Variants in TMEM201 observed in about 807,000 individuals in gnomAD.
TMEM201 encodes the protein transmembrane protein 201.
A neutral mutation model predicts 63.4 loss-of-function variants in TMEM201; 26 were observed. The ratio of observed to expected loss-of-function variants is 0.41; its 90% CI spans 0.30 to 0.57. The LOEUF (loss-of-function observed/expected upper bound fraction) is 0.57, where lower values mean the gene tolerates loss of function less well. Among genes scored for constraint, TMEM201 ranks in the 20% least tolerant of loss-of-function variants. TMEM201 has a pLI of 0.29. For synonymous variants in TMEM201, 417 were observed against 421.6 expected (o/e 0.99, Z 0.14); for missense variants, 794 against 917.7 (o/e 0.87, Z 1.74).
chr1:9,597,861 T>C lies in TMEM201; in HGVS notation c.430-588T>C, dbSNP rs1371466440. Among the ~76,000 whole-genome samples, 6 of 152,208 alleles carry C rather than the reference T, an allele frequency of 3.9e-5. No individual in the cohort carries two copies. In the East Asian group the frequency reaches 1.2e-3, roughly 29 times the overall value. On this transcript the variant is annotated intron_variant, in intron 3 of 10. Coordinates refer to ENST00000340381, the MANE Select transcript of TMEM201 (RefSeq NM_001130924.3). ...CAGCAAGGGATCACACTCCTGACCC[T>C]CCTGGCCTTGCAGGCCAAAACGTTT...
chr1:9,593,126 C>T (rs1484884608), intron 1 of TMEM201, among the ~76,000 whole-genome samples: 1 of 152,226 alleles, frequency 6.6e-6, no homozygotes, highest in East Asian at 1.9e-4. Flanking sequence ...AAACAGGGTC[C>T]AGCCTAGGCT....
rs1008662089 is a variant in TMEM201 at position 9,608,909 on chromosome 1, C to T, written c.1394-931C>T. Among the ~76,000 whole-genome samples the T allele has an allele frequency of 2.0e-5, 3 of 152,052 alleles. No homozygotes were observed. Among genetic ancestry groups the T allele is most frequent in the East Asian group, 1.9e-4 (1 of 5,188 alleles). ...CCCAGTCTCCATTACCAGAGTGGGTCGGGGGGAGGAGCCCGGTCTCCATCG... is the reference window on the plus strand; with the variant it reads ...CCCAGTCTCCATTACCAGAGTGGGTTGGGGGGAGGAGCCCGGTCTCCATCG... On this transcript the variant is annotated intron_variant, in intron 7 of 10. Coordinates refer to ENST00000340381, the MANE Select transcript of TMEM201 (RefSeq NM_001130924.3). The surrounding 1 kb of genome is among the most constrained non-coding windows in gnomAD (Gnocchi z 4.3).
In TMEM201 at chr1:9,603,563, A is replaced by G. The variant is rs1414029135; in HGVS notation, c.1160+1291A>G. The G allele has an allele frequency of 6.4e-5, 63 of 985,366 alleles. No homozygotes were observed. The highest frequency in any genetic ancestry group is 7.6e-5 in the Non-Finnish European group (63 of 830,012). The allele number at this position is 985,366 out of a possible 1,614,324, so 61.0% of individuals were successfully genotyped here. A position where few individuals can be genotyped will look rare whatever the true frequency, so the allele number is the denominator to read the frequency against. On this transcript the variant is annotated intron_variant, in intron 6 of 10. Transcript: ENST00000340381. The surrounding 1 kb of genome is among the most constrained non-coding windows in gnomAD (Gnocchi z 4.5). ...CTTCCAGATGTGGCCAGGGTGTGCC[A>G]GCTCCTCTCTCCTGTGCGTTGGAAC...
chr1:9,589,119 G>T (rs1447483428), intron 1 of TMEM201, 76 bp downstream of exon 1: 76 of 670,186 alleles, frequency 1.1e-4, no homozygotes, highest in Non-Finnish European at 1.3e-4. Context: ...CCGGCCCGCT[G>T]CCCCCCTCGG....
At position 9,603,845 on chromosome 1, in the gene TMEM201, C is replaced by T; in HGVS notation, c.1160+1573C>T. Reference sequence around the variant, plus strand: ...CTGTGCCCGATGACCTGCGTGGCTTCAGACAAGGCCCCAGCGTTACTGGGC... The same window carrying T: ...CTGTGCCCGATGACCTGCGTGGCTTTAGACAAGGCCCCAGCGTTACTGGGC... On this transcript the variant is annotated intron_variant, in intron 6 of 10. Coordinates refer to ENST00000340381, the MANE Select transcript of TMEM201 (RefSeq NM_001130924.3). This position sits in a 1 kb window ranked among gnomAD's most constrained non-coding sequence, Gnocchi z 4.5. 1.0e-6 allele frequency: 1 copy of T among 985,470 alleles called. No homozygotes were observed. The highest frequency in any genetic ancestry group is 1.2e-6 in the Non-Finnish European group (1 of 829,948). 61.0% of individuals were successfully genotyped at this position (985,470 alleles called of 1,614,324 possible).
chr1:9,608,114 A>G lies in TMEM201; in HGVS notation c.1393+325A>G, dbSNP rs912114570. The stretch of plus-strand genomic sequence containing the variant: ...TAATTAACTGGGCATGGTGGCGTAC[A>G]CCTATAGTCCCAGCTATTTAGGCTG... On this transcript the variant is annotated intron_variant, in intron 7 of 10. Coordinates refer to ENST00000340381, the MANE Select transcript of TMEM201 (RefSeq NM_001130924.3). This position sits in a 1 kb window ranked among gnomAD's most constrained non-coding sequence, Gnocchi z 4.3. 6.6e-6 allele frequency among the ~76,000 whole-genome samples: 1 copy of G among 152,092 alleles called. No homozygotes were observed. Among genetic ancestry groups the G allele is most frequent in the Admixed American group, 6.6e-5 (1 of 15,256 alleles).
chr1:9,597,353 C>A (rs1262207726), intron 3 of TMEM201, among the ~76,000 whole-genome samples: 1 of 152,218 alleles, frequency 6.6e-6, no homozygotes, highest in Non-Finnish European at 1.5e-5. Context: ...ACCTGCCAGT[C>A]CAGAGGAATT....
intron 10 of TMEM201, among the ~76,000 whole-genome samples, 176 bp downstream of exon 10, chr1:9,612,066 G>A (rs1472573851): frequency 6.6e-6 from 1 of 152,202 alleles, no homozygotes; most frequent in Admixed American, 6.5e-5. Flanking sequence ...CTCAGTAGAC[G>A]GCACTCCCCC....
At chr1:9,595,223 C>T (rs1569915146) in intron 1 of TMEM201, among the ~76,000 whole-genome samples, 2 of 152,210 alleles carry the variant, frequency 1.3e-5, no homozygotes, top group East Asian at 3.8e-4. Flanking sequence ...AGTGTCTGGG[C>T]TGGGATTATC....
chr1:9,604,626 C>T lies in TMEM201; in HGVS notation c.1160+2354C>T. On this transcript the variant is annotated intron_variant, in intron 6 of 10. Transcript: ENST00000340381. The surrounding 1 kb of genome is among the most constrained non-coding windows in gnomAD (Gnocchi z 4.1). The stretch of plus-strand genomic sequence containing the variant: ...GGTCATCCTAGGTATGGGTGACCGT[C>T]CCTGAGACATAAGCGAGGTAGATTC... The T allele has an allele frequency of 1.0e-6, 1 of 985,630 alleles. No individual in the cohort carries two copies. Among genetic ancestry groups the T allele is most frequent in the African/African-American group, 1.7e-5 (1 of 57,356 alleles). 61.1% of individuals were successfully genotyped at this position (985,630 alleles called of 1,614,324 possible). A position where few individuals can be genotyped will look rare whatever the true frequency, so the allele number is the denominator to read the frequency against.
Position 9,604,870 on chromosome 1 carries a change from A to G in TMEM201, c.1160+2598A>G. The G allele has an allele frequency of 1.0e-6, 1 of 985,860 alleles. No individual in the cohort carries two copies. Among genetic ancestry groups the G allele is most frequent in the Non-Finnish European group, 1.2e-6 (1 of 829,970 alleles). 61.1% of individuals were successfully genotyped at this position (985,860 alleles called of 1,614,324 possible). A position where few individuals can be genotyped will look rare whatever the true frequency, so the allele number is the denominator to read the frequency against. On this transcript the variant is annotated intron_variant, in intron 6 of 10. Transcript: ENST00000340381. This position sits in a 1 kb window ranked among gnomAD's most constrained non-coding sequence, Gnocchi z 4.1. Reference sequence around the variant, plus strand: ...ATAATTGTCTAGTGACCCTCTCATCACTGTAACCATCGCGCCTGGCCTAGA... The same window carrying G: ...ATAATTGTCTAGTGACCCTCTCATCGCTGTAACCATCGCGCCTGGCCTAGA...
rs1042812181 is a variant in TMEM201, at chr1:9,604,140, G to A, written c.1160+1868G>A. 2.1e-5 allele frequency: 21 copies of A among 985,308 alleles called. No homozygotes were observed. Among genetic ancestry groups the A allele is most frequent in the East Asian group, 1.1e-4 (1 of 8,826 alleles). 61.0% of individuals were successfully genotyped at this position (985,308 alleles called of 1,614,324 possible). A position where few individuals can be genotyped will look rare whatever the true frequency, so the allele number is the denominator to read the frequency against. Reference sequence around the variant, plus strand: ...CTGGCCATGCTGTTGCTTGCGTCTCGAATCTTCGGTTCTCGAGGAAGTGTT... The same window carrying A: ...CTGGCCATGCTGTTGCTTGCGTCTCAAATCTTCGGTTCTCGAGGAAGTGTT... On this transcript the variant is annotated intron_variant, in intron 6 of 10. Transcript: ENST00000340381. The surrounding 1 kb of genome is among the most constrained non-coding windows in gnomAD (Gnocchi z 4.1).
Position 9,613,318 on chromosome 1 carries a change from T to C in TMEM201, c.*235T>C. The C allele has an allele frequency of 1.7e-6, 1 of 573,496 alleles. No homozygotes were observed. 35.5% of individuals were successfully genotyped at this position (573,496 alleles called of 1,614,324 possible). ...CACTCACCTCCTTGGCTGACATCGG[T>C]TGTGTTTGGTGCTGACACTCTGATC... On this transcript the variant is annotated 3_prime_UTR_variant, in exon 11 of 11. Coordinates refer to ENST00000340381, the MANE Select transcript of TMEM201 (RefSeq NM_001130924.3).
rs116137879 is a variant in TMEM201, at chr1:9,603,137, C to G, written c.1160+865C>G. The G allele has an allele frequency of 1.0e-6, 1 of 985,546 alleles. No homozygotes were observed. The highest frequency in any genetic ancestry group is 1.2e-6 in the Non-Finnish European group (1 of 830,010). The allele number at this position is 985,546 out of a possible 1,614,324, so 61.1% of individuals were successfully genotyped here. A position where few individuals can be genotyped will look rare whatever the true frequency, so the allele number is the denominator to read the frequency against. ...CATCCTTTCCCTCCCTGACCTGTCA[C>G]GAGCCTCTGCAGGTGCCTGCTCACC... is the stretch of plus-strand genomic sequence containing the variant. On this transcript the variant is annotated intron_variant, in intron 6 of 10. Transcript: ENST00000340381. This position sits in a 1 kb window ranked among gnomAD's most constrained non-coding sequence, Gnocchi z 4.5.
chr1:9,610,604 C>T lies in TMEM201; in HGVS notation c.1564C>T (p.Arg522Cys), dbSNP rs928354065. ...GSVASSSGSL[R>C]HRRPLISPAR... Reference sequence around the variant, plus strand: ...GGTGGCCTCCAGCTCCGGCTCTCTGCGCCACCGCAGGCCCCTCATCAGCCC... The same window carrying T: ...GGTGGCCTCCAGCTCCGGCTCTCTGTGCCACCGCAGGCCCCTCATCAGCCC... The change falls in exon 9 of 11, where the codon CGC (arginine) becomes TGC (cysteine). Residue 522 changes from arginine (R) to cysteine (C), a missense_variant. Arg to Cys is a radical substitution (Grantham distance 180). Coordinates refer to ENST00000340381, the MANE Select transcript of TMEM201 (RefSeq NM_001130924.3). This position sits in a 1 kb window ranked among gnomAD's most constrained non-coding sequence, Gnocchi z 4.9. The T allele has an allele frequency of 2.3e-5, 35 of 1,550,522 alleles. No homozygotes were observed. The highest frequency in any genetic ancestry group is 4.1e-5 in the African/African-American group (3 of 73,168).
At chr1:9,600,983 A>T in intron 4 of TMEM201, 122 bp from the exon 5 acceptor site, 1 of 862,598 alleles carries the variant, frequency 1.2e-6, no homozygotes, top group Non-Finnish European at 1.8e-6. Context: ...TGAGTTTTTG[A>T]ACCAAGCCCA....
chr1:9,591,867 C>T (rs1204675599), intron 1 of TMEM201, among the ~76,000 whole-genome samples: 1 of 152,254 alleles, frequency 6.6e-6, no homozygotes, highest in East Asian at 1.9e-4. Context: ...TGCCGTCTGC[C>T]CTGCTGGTGA....
chr1:9,598,425 G>A (rs1353763953), intron 3 of TMEM201, 24 bp from the exon 4 acceptor site: 4 of 1,599,758 alleles, frequency 2.5e-6, no homozygotes, highest in Non-Finnish European at 3.4e-6. Flanking sequence ...TGCAGATGCC[G>A]AGCCTGTTCC....
chr1:9,603,785 G>A lies in TMEM201; in HGVS notation c.1160+1513G>A, dbSNP rs964460497. 7 of 985,346 alleles carry A rather than the reference G, an allele frequency of 7.1e-6. No individual in the cohort carries two copies. The highest frequency in any genetic ancestry group is 8.4e-6 in the Non-Finnish European group (7 of 829,958). 61.0% of individuals were successfully genotyped at this position (985,346 alleles called of 1,614,324 possible). A position where few individuals can be genotyped will look rare whatever the true frequency, so the allele number is the denominator to read the frequency against. ...CCAGCTTCACAAGTGAGGAACCCAG[G>A]TGCATCGGGAGACCCTCGGGGGCTT... On this transcript the variant is annotated intron_variant, in intron 6 of 10. Transcript: ENST00000340381. This position sits in a 1 kb window ranked among gnomAD's most constrained non-coding sequence, Gnocchi z 4.5.
Sources: gnomAD v4.1 joint callset for allele counts (sites outside exome capture counted in the v4.1 genomes callset) on GRCh38, gnomAD v4.1.1 for gene constraint, Gnocchi (gnomAD v3.1) non-coding constraint, MANE v1.5 for transcripts, NCBI Gene and HGNC (gene_info 2026-07-23, HGNC 2026-07-21) for gene names.